MAGI3: variants seen among roughly 807,000 people sequenced by gnomAD.
MAGI3 encodes membrane-associated guanylate kinase, WW and PDZ domain-containing protein 3.
Under a neutral mutation model 121.8 loss-of-function variants are expected in MAGI3, and 43 were observed. The ratio of observed to expected loss-of-function variants is 0.35; its 90% confidence interval spans 0.28 to 0.46. The LOEUF (loss-of-function observed/expected upper bound fraction) is 0.46, where lower values mean the gene tolerates loss of function less well. MAGI3 is among the 20% of genes least tolerant of loss of function. The probability of loss-of-function intolerance (pLI) is 1.00; values close to 1 mark genes in which losing one functional copy is unlikely to be tolerated. For synonymous variants in MAGI3, 553 were observed against 639.3 expected (o/e 0.86, Z 2.04); for missense variants, 1,547 against 1,797.3 (o/e 0.86, Z 2.52).
rs868103769 is a variant in MAGI3 at position 113,621,048 on chromosome 1, A to T, written c.1171+1218A>T. Among the ~76,000 whole-genome samples, 3 of 152,212 alleles carry T rather than the reference A, an allele frequency of 2.0e-5. No individual in the cohort carries two copies. The South Asian group carries it at 6.2e-4, about 32-fold the overall frequency. ...GTACCCAACTCTGCTTTGGTGGGAA[A>T]TGTCAAGTGGGCAGGAGAAATTTCA... On this transcript the variant is annotated intron_variant, in intron 8 of 20. Coordinates refer to ENST00000307546, the MANE Select transcript of MAGI3 (RefSeq NM_001142782.2).
At chr1:113,636,438 T>C (rs1180603078) in intron 9 of MAGI3, among the ~76,000 whole-genome samples, 3 of 152,172 alleles carry the variant, frequency 2.0e-5, no homozygotes, top group African/African-American at 4.8e-5. Flanking sequence ...TCTTTCTTCT[T>C]GTTGGTTTCA....
At chr1:113,623,118 G>A (rs1012000510) in intron 9 of MAGI3, 124 bp downstream of exon 9, 29 of 682,580 alleles carry the variant, frequency 4.2e-5, no homozygotes, top group Non-Finnish European at 5.8e-5. Flanking sequence ...AGAGATTCCA[G>A]TATTAAAATA....
At chr1:113,430,972 C>G (rs1451433691) in intron 1 of MAGI3, among the ~76,000 whole-genome samples, 1 of 152,016 alleles carries the variant, frequency 6.6e-6, no homozygotes, top group Non-Finnish European at 1.5e-5. Context: ...GGCATGACAA[C>G]AAAGGGTCAT....
chr1:113,652,958 A>T (rs1386504925), intron 14 of MAGI3, among the ~76,000 whole-genome samples: 1 of 152,206 alleles, frequency 6.6e-6, no homozygotes, highest in African/African-American at 2.4e-5. Flanking sequence ...ACAGCTTGTT[A>T]TGTGTCCCAG....
intron 9 of MAGI3, among the ~76,000 whole-genome samples, chr1:113,627,107 C>T (rs1030941982): frequency 6.6e-6 from 1 of 151,832 alleles, no homozygotes; most frequent in Non-Finnish European, 1.5e-5. Context: ...TGCTGTATCC[C>T]ATAGGTTTTG....
chr1:113,553,632 C>T (rs928843269), intron 2 of MAGI3, among the ~76,000 whole-genome samples: 1 of 151,998 alleles, frequency 6.6e-6, no homozygotes, highest in Admixed American at 6.5e-5. Flanking sequence ...TAAGCAAGAC[C>T]CCAAAGGATC....
At chr1:113,519,058 A>T (rs1382228572) in intron 1 of MAGI3, among the ~76,000 whole-genome samples, 1 of 152,186 alleles carries the variant, frequency 6.6e-6, no homozygotes, top group African/African-American at 2.4e-5. Context: ...GCTTTCTGAC[A>T]TCACCCTAAT....
intron 14 of MAGI3, among the ~76,000 whole-genome samples, chr1:113,652,647 ACT>A (rs1653235995): frequency 6.6e-6 from 1 of 152,030 alleles, no homozygotes; most frequent in African/African-American, 2.4e-5. Flanking sequence ...ATACATTCTA[ACT>A]ATGCATTTTG....
At chr1:113,667,815 G>T (rs752413677) in intron 16 of MAGI3, among the ~76,000 whole-genome samples, 1 of 152,116 alleles carries the variant, frequency 6.6e-6, no homozygotes, top group Non-Finnish European at 1.5e-5. Context: ...TCATTGTAGG[G>T]TTATTAATTG....
chr1:113,653,906 G>T lies in MAGI3; in HGVS notation c.2517G>T (p.Glu839Asp). 6.2e-7 allele frequency: 1 copy of T among 1,614,078 alleles called. No individual in the cohort carries two copies. Among genetic ancestry groups the T allele is most frequent in the Middle Eastern group, 1.6e-4 (1 of 6,062 alleles). ...GATCTCCCCGCCTGAACCGGGCAGA[G>T]GTCCCAGCCAGGCCTGCACCCCAGG... ...QNGSPRLNRA[E>D]VPARPAPQEP... The change falls in exon 15 of 21, where the codon GAG (glutamate) becomes GAT (aspartate). Residue 839 changes from glutamate (E) to aspartate (D), a missense_variant. By Grantham distance (45) the Glu-to-Asp change is conservative. Coordinates refer to ENST00000307546, the MANE Select transcript of MAGI3 (RefSeq NM_001142782.2).
chr1:113,644,643 T>C (rs1206506165), intron 11 of MAGI3, among the ~76,000 whole-genome samples: 4 of 152,208 alleles, frequency 2.6e-5, no homozygotes, highest in African/African-American at 9.6e-5. Flanking sequence ...GTTGTCAAAG[T>C]GAAAGACCTG....
chr1:113,618,512 T>A (rs1026333842), intron 7 of MAGI3: 1 of 450,912 alleles, frequency 2.2e-6, no homozygotes, highest in Non-Finnish European at 4.4e-6. Context: ...TTTTTATTTT[T>A]TATTTTTTTT....
chr1:113,475,049 G>T (rs1193145463), intron 1 of MAGI3, among the ~76,000 whole-genome samples: 1 of 152,160 alleles, frequency 6.6e-6, no homozygotes, highest in African/African-American at 2.4e-5. Flanking sequence ...GTCTGTTAAT[G>T]ATGTATAGGA....
intron 1 of MAGI3, among the ~76,000 whole-genome samples, chr1:113,503,330 A>AG (rs903529057): frequency 6.7e-6 from 1 of 148,170 alleles, no homozygotes; most frequent in Non-Finnish European, 1.5e-5. Context: ...AAAAAAAAAA[A>AG]AAAGGCTTAA....
chr1:113,615,989 C>G (rs1483654240), intron 7 of MAGI3, among the ~76,000 whole-genome samples: 2 of 152,038 alleles, frequency 1.3e-5, no homozygotes, highest in Non-Finnish European at 2.9e-5. Context: ...CAGCTATTTG[C>G]CATTGACACT....
At chr1:113,506,956 T>G (rs1341044863) in intron 1 of MAGI3, among the ~76,000 whole-genome samples, 2 of 152,056 alleles carry the variant, frequency 1.3e-5, no homozygotes, top group Non-Finnish European at 2.9e-5. Flanking sequence ...CCCAAAACTC[T>G]CCAGATGGGA....
At chr1:113,561,808 G>A (rs770066888) in intron 2 of MAGI3, among the ~76,000 whole-genome samples, 2 of 152,154 alleles carry the variant, frequency 1.3e-5, no homozygotes, top group Non-Finnish European at 2.9e-5. Context: ...CATATAGGAA[G>A]AGGAAGTCAA....
At chr1:113,660,781 T>TTC (rs1238745805) in intron 16 of MAGI3, among the ~76,000 whole-genome samples, 15 of 149,796 alleles carry the variant, frequency 1.0e-4, no homozygotes, top group Admixed American at 4.0e-4. Context: ...TTTTTTTTTT[T>TTC]TTTTTGAGAT....
intron 1 of MAGI3, among the ~76,000 whole-genome samples, chr1:113,536,752 G>A (rs1409982999): frequency 1.3e-5 from 2 of 151,962 alleles, no homozygotes; most frequent in Non-Finnish European, 2.9e-5. Context: ...ATGTCAGTCT[G>A]TAATCTGAAA....
Sources: gnomAD v4.1 joint callset for allele counts (sites outside exome capture counted in the v4.1 genomes callset) on GRCh38, gnomAD v4.1.1 for gene constraint, MANE v1.5 for transcripts, NCBI Gene and HGNC (gene_info 2026-07-23, HGNC 2026-07-21) for gene names.